The following GAS2 variants were observed in gnomAD, a reference collection of about 807,000 sequenced individuals.
GAS2 encodes growth arrest-specific protein 2.
Under a neutral mutation model 37.5 loss-of-function variants are expected in GAS2, and 20 were observed. The observed-to-expected ratio is 0.53, with a 90% CI of 0.37 to 0.77. The LOEUF (loss-of-function observed/expected upper bound fraction) is 0.77. Ranked by LOEUF, GAS2 falls within the 30% of genes least tolerant of loss-of-function variation. The probability of loss-of-function intolerance (pLI) is 0.00; values close to 1 mark genes in which losing one functional copy is unlikely to be tolerated. For missense variants in GAS2, 336 were observed against 373.4 expected (o/e 0.90, Z 0.82); for synonymous variants, 144 against 132.2 (o/e 1.09, Z -0.61).
chr11:22,719,620 C>T (rs1036908904), intron 3 of GAS2, among the ~76,000 whole-genome samples: 2 of 152,062 alleles, frequency 1.3e-5, no homozygotes, highest in African/African-American at 4.8e-5. Context: ...GTGTGCTCTA[C>T]CTTTTCATCC....
At chr11:22,651,213 A>G (rs1296170834) in intron 1 of GAS2, among the ~76,000 whole-genome samples, 1 of 152,128 alleles carries the variant, frequency 6.6e-6, no homozygotes, top group Non-Finnish European at 1.5e-5. Context: ...TCTGGGTTGA[A>G]AATTCTTTTC....
intron 3 of GAS2, among the ~76,000 whole-genome samples, chr11:22,720,084 T>C (rs1456465097): frequency 2.0e-5 from 3 of 152,106 alleles, no homozygotes; most frequent in Non-Finnish European, 4.4e-5. Flanking sequence ...TTGCCAACTT[T>C]GTTAGTTAAG....
chr11:22,799,072 G>A (rs893124854), intron 7 of GAS2, among the ~76,000 whole-genome samples: 1 of 152,106 alleles, frequency 6.6e-6, no homozygotes, highest in African/African-American at 2.4e-5. Flanking sequence ...ACAGGAAGGT[G>A]TTGGGAAGCA....
intron 4 of GAS2, among the ~76,000 whole-genome samples, chr11:22,735,592 A>G (rs1852711485): frequency 6.6e-6 from 1 of 151,872 alleles, no homozygotes. Context: ...GCAAATGAAG[A>G]AGCAAAGAAA....
chr11:22,772,851 A>G (rs1855056189), intron 7 of GAS2, among the ~76,000 whole-genome samples: 1 of 152,180 alleles, frequency 6.6e-6, no homozygotes, highest in Admixed American at 6.5e-5. Context: ...TAAAGTTTAA[A>G]TGCAGTAAAA....
rs564616119 is a variant in GAS2, at chr11:22,650,820, G to A, written c.-20-24030G>A. ...TTTGAGCCTATGTGTGTCTCTGCCC[G>A]TGAGATGGGTTTCCTGAATACAGCA... On this transcript the variant is annotated intron_variant, in intron 1 of 5. Coordinates refer to the GAS2 transcript ENST00000528582. Among the ~76,000 whole-genome samples, 716 of 152,052 alleles carry A rather than the reference G, an allele frequency of 4.7e-3. 3 individuals carry two copies. The highest frequency in any genetic ancestry group is 0.027 in the Middle Eastern group (8 of 294).
intron 1 of GAS2, chr11:22,672,733 C>A (rs1384229723): frequency 6.6e-6 from 1 of 151,956 alleles, no homozygotes; most frequent in Non-Finnish European, 1.5e-5. Context: ...ATATGTATTA[C>A]TTAAATGTTT....
intron 7 of GAS2, among the ~76,000 whole-genome samples, chr11:22,787,803 A>T (rs1855889049): frequency 6.6e-6 from 1 of 152,166 alleles, no homozygotes; most frequent in South Asian, 2.1e-4. Context: ...TTTTGCTAGG[A>T]GTTTCTTTCA....
At chr11:22,786,860 ACTT>A (rs1457298531) in intron 7 of GAS2, among the ~76,000 whole-genome samples, 4 of 152,130 alleles carry the variant, frequency 2.6e-5, no homozygotes, top group South Asian at 4.1e-4. Context: ...GGCTTCTACT[ACTT>A]CTTAAAATCT....
chr11:22,804,997 G>C (rs2134665673), intron 7 of GAS2, among the ~76,000 whole-genome samples: 1 of 152,206 alleles, frequency 6.6e-6, no homozygotes, highest in Non-Finnish European at 1.5e-5. Context: ...GCATTCTAGG[G>C]AAAGGGAGGG....
At position 22,696,465 on chromosome 11, in the gene GAS2, A is replaced by G. The variant is rs1452708421; in HGVS notation, c.267+10676A>G. On this transcript the variant is annotated intron_variant, in intron 3 of 7. Coordinates refer to ENST00000454584, the MANE Select transcript of GAS2 (RefSeq NM_001143830.3). ...TCCTTTGGGTATATACCCAGTAATG[A>G]GATGGCTGGGTCAAATGGTATTTCT... 1.5e-3 allele frequency among the ~76,000 whole-genome samples: 218 copies of G among 149,754 alleles called. 2 individuals carry two copies. Among genetic ancestry groups the G allele is most frequent in the African/African-American group, 4.7e-3 (196 of 41,274 alleles).
At chr11:22,785,941 A>G (rs1005229768) in intron 7 of GAS2, among the ~76,000 whole-genome samples, 3 of 152,124 alleles carry the variant, frequency 2.0e-5, no homozygotes, top group Non-Finnish European at 4.4e-5. Context: ...TAGTTATCTG[A>G]AACAGTTTCT....
At chr11:22,686,482 G>T (rs1264476667) in intron 3 of GAS2, among the ~76,000 whole-genome samples, 1 of 142,150 alleles carries the variant, frequency 7.0e-6, no homozygotes, top group Non-Finnish European at 1.5e-5. Flanking sequence ...TTGGGAGGCT[G>T]AGGCGGGCAG....
chr11:22,704,605 A>ATATATATATATATATATT (rs1851011935), intron 3 of GAS2, among the ~76,000 whole-genome samples: 2 of 141,572 alleles, frequency 1.4e-5, no homozygotes, highest in African/African-American at 5.2e-5. Flanking sequence ...ATATATATAT[A>ATATATATATATATATATT]TATATATATA....
At chr11:22,690,624 G>C (rs543112463) in intron 3 of GAS2, among the ~76,000 whole-genome samples, 19 of 152,122 alleles carry the variant, frequency 1.2e-4, no homozygotes, top group Non-Finnish European at 2.4e-4. Flanking sequence ...AATATTTCTG[G>C]AGTTGAGGAT....
At chr11:22,728,401 A>G (rs570976720) in intron 4 of GAS2, among the ~76,000 whole-genome samples, 53 of 152,020 alleles carry the variant, frequency 3.5e-4, no homozygotes, top group African/African-American at 1.2e-3. Context: ...AGCAACTTAT[A>G]TAATGACCCT....
At chr11:22,703,747 T>C (rs1458289851) in intron 3 of GAS2, among the ~76,000 whole-genome samples, 1 of 152,138 alleles carries the variant, frequency 6.6e-6, no homozygotes, top group East Asian at 1.9e-4. Context: ...TTCAACTGTA[T>C]CTTAAGCTCT....
chr11:22,761,989 T>C (rs2134372872), intron 7 of GAS2, among the ~76,000 whole-genome samples: 1 of 152,276 alleles, frequency 6.6e-6, no homozygotes, highest in East Asian at 1.9e-4. Flanking sequence ...TCCAAATGTA[T>C]TTAACCATAG....
chr11:22,635,757 G>C (rs1042321618), intron 1 of GAS2, among the ~76,000 whole-genome samples: 1 of 152,216 alleles, frequency 6.6e-6, no homozygotes, highest in Non-Finnish European at 1.5e-5. Flanking sequence ...CTGTGAGGTA[G>C]GATTTGGAAT....
Sources: allele counts gnomAD v4.1 joint callset (sites outside exome capture counted in the v4.1 genomes callset), GRCh38; gene constraint gnomAD v4.1.1; transcripts MANE v1.5; gene names NCBI Gene and HGNC (gene_info 2026-07-23, HGNC 2026-07-21).